Variants in NPLOC4 observed in about 807,000 individuals in gnomAD.
NPLOC4 encodes nuclear protein localization protein 4 homolog.
In NPLOC4, 18 loss-of-function variants were observed where a neutral mutation model predicts 80.6. That is an observed-to-expected ratio of 0.22 (90% confidence interval 0.15 to 0.33). The LOEUF is 0.33. Ranked by LOEUF, NPLOC4 falls within the 10% of genes least tolerant of loss-of-function variation. NPLOC4 has a pLI of 1.00. For missense variants in NPLOC4, 540 were observed against 786.1 expected (o/e 0.69, Z 3.74); for synonymous variants, 313 against 301.5 (o/e 1.04, Z -0.39).
Position 81,613,330 on chromosome 17 carries a change from C to A in NPLOC4, c.374G>T (p.Arg125Leu), listed in dbSNP as rs766015694. 5 of 1,613,590 alleles carry A rather than the reference C, an allele frequency of 3.1e-6. No individual in the cohort carries two copies. The highest frequency in any genetic ancestry group is 4.2e-6 in the Non-Finnish European group (5 of 1,179,746). Residue 125 changes from arginine to leucine, a missense_variant, in exon 4 of 17, where the codon CGA (arginine) becomes CTA (leucine). This residue lies in a region of NPLOC4 where 74 missense variants were observed against 75.7 expected (regional missense o/e 0.98). Coordinates refer to ENST00000331134, the MANE Select transcript of NPLOC4 (RefSeq NM_017921.4). The stretch of plus-strand genomic sequence containing the variant: ...ATGGATCACTTACAGCTGTGGGTCT[C>A]GGCTTCTGTAAATCTTCCCGTCCTG... ...SKQDGKIYRS[R>L]DPQLCRHGPL...
intron 2 of NPLOC4, among the ~76,000 whole-genome samples, chr17:81,626,273 G>A (rs772975863): frequency 8.0e-5 from 12 of 149,648 alleles, no homozygotes; most frequent in Admixed American, 4.0e-4. Context: ...CCAAGATCGC[G>A]CCACTGCACT....
chr17:81,573,973 C>A (rs963318875), intron 12 of NPLOC4, among the ~76,000 whole-genome samples: 1 of 152,206 alleles, frequency 6.6e-6, no homozygotes, highest in African/African-American at 2.4e-5. Flanking sequence ...CCGCATTCTG[C>A]GCTCTGCTGG....
intron 16 of NPLOC4, among the ~76,000 whole-genome samples, chr17:81,561,232 C>T (rs977014130): frequency 2.0e-5 from 3 of 152,176 alleles, no homozygotes; most frequent in Non-Finnish European, 4.4e-5. Flanking sequence ...GCTGGGATTA[C>T]AGGCGTGAGC....
chr17:81,630,567 ATTAC>A (rs1239743036), intron 1 of NPLOC4, among the ~76,000 whole-genome samples: 1 of 152,012 alleles, frequency 6.6e-6, no homozygotes, highest in Non-Finnish European at 1.5e-5. Context: ...AACGCCAGCT[ATTAC>A]TTACTTTCCC....
intron 12 of NPLOC4, among the ~76,000 whole-genome samples, chr17:81,583,542 G>A (rs1379405105): frequency 2.6e-5 from 4 of 152,192 alleles, no homozygotes; most frequent in Non-Finnish European, 4.4e-5. Flanking sequence ...GGCTGCCCCA[G>A]AGATGAGTGA....
At chr17:81,605,480 T>C (rs905517082) in intron 7 of NPLOC4, among the ~76,000 whole-genome samples, 8 of 150,592 alleles carry the variant, frequency 5.3e-5, no homozygotes, top group Admixed American at 5.3e-4. Flanking sequence ...AAACCCTGTC[T>C]CTACTAAAAA....
chr17:81,591,042 A>G (rs145834081), intron 11 of NPLOC4, among the ~76,000 whole-genome samples: 2 of 152,288 alleles, frequency 1.3e-5, no homozygotes, highest in Admixed American at 6.5e-5. Flanking sequence ...TGGTGGCATA[A>G]ATGACACTGA....
chr17:81,599,701 T>G (rs7405966), intron 9 of NPLOC4, among the ~76,000 whole-genome samples: 105,577 of 152,114 alleles, frequency 0.69, 37,642 homozygotes, highest in Non-Finnish European at 0.77. Context: ...GGCTCTACAT[T>G]AATTTATTAA....
intron 12 of NPLOC4, among the ~76,000 whole-genome samples, chr17:81,582,575 TTTG>T (rs1412544869): frequency 1.5e-4 from 23 of 151,810 alleles, no homozygotes; most frequent in Non-Finnish European, 1.0e-4. Context: ...CTAATTTTTT[TTTG>T]TTGTTGTAGA....
intron 3 of NPLOC4, among the ~76,000 whole-genome samples, chr17:81,618,214 GCGCC>G (rs2035556407): frequency 6.6e-6 from 1 of 151,300 alleles, no homozygotes; most frequent in South Asian, 2.1e-4. Flanking sequence ...GAAGTGAGGA[GCGCC>G]TCTTTCCGGC....
intron 11 of NPLOC4, among the ~76,000 whole-genome samples, chr17:81,595,442 A>C (rs1443955992): frequency 1.7e-4 from 25 of 145,718 alleles, no homozygotes; most frequent in African/African-American, 6.3e-4. Flanking sequence ...AAAAAAAAAA[A>C]ACCCGTTTTG....
intron 3 of NPLOC4, among the ~76,000 whole-genome samples, chr17:81,613,908 T>C (rs1346128603): frequency 6.6e-6 from 1 of 152,016 alleles, no homozygotes; most frequent in Non-Finnish European, 1.5e-5. Context: ...GCTGGTTGCA[T>C]GTATCTCCAC....
At chr17:81,606,365 G>C (rs1181976166) in intron 7 of NPLOC4, among the ~76,000 whole-genome samples, 1 of 152,082 alleles carries the variant, frequency 6.6e-6, no homozygotes, top group South Asian at 2.1e-4. Flanking sequence ...GCTCAGAGCT[G>C]GTCCAAGGGG....
intron 3 of NPLOC4, among the ~76,000 whole-genome samples, chr17:81,616,321 A>AG (rs1568158086): frequency 8.6e-6 from 1 of 115,846 alleles, no homozygotes; most frequent in Admixed American, 8.6e-5. Context: ...ACTCTGTCTC[A>AG]AAAAAAAAAA....
At chr17:81,630,507 C>T (rs1289002481) in intron 1 of NPLOC4, among the ~76,000 whole-genome samples, 4 of 152,044 alleles carry the variant, frequency 2.6e-5, no homozygotes, top group East Asian at 1.9e-4. Context: ...TCTCGAGCTC[C>T]GGGGCTCAAG....
At chr17:81,569,363 C>T (rs906308605) in intron 13 of NPLOC4, among the ~76,000 whole-genome samples, 20 of 152,224 alleles carry the variant, frequency 1.3e-4, no homozygotes, top group African/African-American at 4.3e-4. Flanking sequence ...CCGGCCTCGA[C>T]GTCGGACAAA....
intron 14 of NPLOC4, among the ~76,000 whole-genome samples, chr17:81,568,340 A>G (rs2034069357): frequency 6.6e-6 from 1 of 152,110 alleles, no homozygotes; most frequent in African/African-American, 2.4e-5. Context: ...CACCCCAATA[A>G]CTGGCTTTGC....
At chr17:81,574,872 AACAAAC>A (rs1259189828) in intron 12 of NPLOC4, among the ~76,000 whole-genome samples, 4 of 137,162 alleles carry the variant, frequency 2.9e-5, no homozygotes, top group East Asian at 4.0e-4. Flanking sequence ...CAAACAAACA[AACAAAC>A]ACACACACAC....
chr17:81,624,686 TA>T (rs1190501564), intron 2 of NPLOC4, among the ~76,000 whole-genome samples: 1 of 152,062 alleles, frequency 6.6e-6, no homozygotes. Flanking sequence ...AAGGTCGAAA[TA>T]AGCACTACGA....
Sources: gnomAD v4.1 joint callset for allele counts (sites outside exome capture counted in the v4.1 genomes callset) on GRCh38, gnomAD v4.1.1 for gene constraint, gnomAD v4.1.1 regional missense constraint, MANE v1.5 for transcripts, NCBI Gene and HGNC (gene_info 2026-07-23, HGNC 2026-07-21) for gene names.